DLG2: variants seen among roughly 807,000 people sequenced by gnomAD.
DLG2 encodes the protein discs large MAGUK scaffold protein 2.
A neutral mutation model predicts 132.5 loss-of-function variants in DLG2; 45 were observed. That is an observed-to-expected ratio of 0.34 (90% CI 0.27 to 0.44). The LOEUF (loss-of-function observed/expected upper bound fraction) is 0.44. Ranked by LOEUF, DLG2 falls within the 20% of genes least tolerant of loss-of-function variation. The pLI, the probability that DLG2 is intolerant of heterozygous loss-of-function variation, is 1.00. For synonymous variants in DLG2, 424 were observed against 419.6 expected (o/e 1.01, Z -0.13); for missense variants, 1,045 against 1,196.9 (o/e 0.87, Z 1.87).
intron 19 of DLG2, among the ~76,000 whole-genome samples, chr11:83,583,190 G>A (rs2097014022): frequency 6.6e-6 from 1 of 152,102 alleles, no homozygotes; most frequent in Non-Finnish European, 1.5e-5. Context: ...GCCTTTATTT[G>A]GCAAAAGACA....
chr11:85,201,783 T>C (rs2081485152), intron 4 of DLG2, among the ~76,000 whole-genome samples: 1 of 152,188 alleles, frequency 6.6e-6, no homozygotes, highest in African/African-American at 2.4e-5. Context: ...GTGATGGAGA[T>C]GTGTGATCTC....
At chr11:83,683,449 GT>G (rs934723800) in intron 18 of DLG2, among the ~76,000 whole-genome samples, 31 of 152,264 alleles carry the variant, frequency 2.0e-4, no homozygotes, top group African/African-American at 7.2e-4. Flanking sequence ...GCCCCAAGTA[GT>G]GTTTTACACT....
At chr11:85,455,123 A>G (rs574412920) in intron 3 of DLG2, among the ~76,000 whole-genome samples, 1 of 152,140 alleles carries the variant, frequency 6.6e-6, no homozygotes, top group Non-Finnish European at 1.5e-5. Flanking sequence ...CAATATGGTC[A>G]TTTTTATAAT....
chr11:85,314,644 A>C (rs766882159), intron 3 of DLG2, among the ~76,000 whole-genome samples: 2 of 151,934 alleles, frequency 1.3e-5, no homozygotes, highest in Non-Finnish European at 2.9e-5. Context: ...GAGGAGCAAT[A>C]AGAGAAATAC....
chr11:83,621,330 T>C (rs918320510), intron 19 of DLG2, among the ~76,000 whole-genome samples: 3 of 152,228 alleles, frequency 2.0e-5, no homozygotes, highest in Admixed American at 6.5e-5. Flanking sequence ...CCTCTGAATT[T>C]TGGCAATGAC....
At chr11:84,708,352 G>A (rs1403999780) in intron 6 of DLG2, among the ~76,000 whole-genome samples, 1 of 151,792 alleles carries the variant, frequency 6.6e-6, no homozygotes, top group Non-Finnish European at 1.5e-5. Context: ...TAAATTGCCA[G>A]ATAAAATCAT....
At chr11:83,776,158 G>C (rs145589319) in intron 18 of DLG2, among the ~76,000 whole-genome samples, 2 of 151,902 alleles carry the variant, frequency 1.3e-5, no homozygotes, top group East Asian at 3.9e-4. Flanking sequence ...TTCTGTGAAG[G>C]GTTTGTTAAT....
At chr11:84,122,461 T>G (rs1382469960) in intron 9 of DLG2, among the ~76,000 whole-genome samples, 1 of 152,180 alleles carries the variant, frequency 6.6e-6, no homozygotes. Context: ...GTGATGCCTG[T>G]CTTCACCAAG....
At chr11:84,826,382 A>G (rs2078331542) in intron 6 of DLG2, among the ~76,000 whole-genome samples, 1 of 151,804 alleles carries the variant, frequency 6.6e-6, no homozygotes, top group Non-Finnish European at 1.5e-5. Context: ...TCCAGAATCC[A>G]TTCCACATCA....
At position 85,163,736 on chromosome 11, in the gene DLG2, C is replaced by T. The variant is rs1198747643; in HGVS notation, c.187-9085G>A. 5.3e-5 allele frequency among the ~76,000 whole-genome samples: 8 copies of T among 152,236 alleles called. No homozygotes were observed. The East Asian group carries it at 1.4e-3, about 26-fold the overall frequency. On this transcript the variant is annotated intron_variant, in intron 4 of 27. Coordinates refer to ENST00000376104, the MANE Select transcript of DLG2 (RefSeq NM_001142699.3). ...ATCATTGAAAATATGGAGATAGTGC[C>T]ACCCATTGAATAGGGTCTTCTTCCA...
chr11:84,671,864 A>AT (rs948363331), intron 6 of DLG2, among the ~76,000 whole-genome samples: 1 of 152,006 alleles, frequency 6.6e-6, no homozygotes, highest in African/African-American at 2.4e-5. Context: ...GTGAAACGAG[A>AT]TTTTTTGGTT....
intron 6 of DLG2, among the ~76,000 whole-genome samples, chr11:84,584,798 C>T (rs1483786294): frequency 2.0e-5 from 3 of 148,678 alleles, no homozygotes; most frequent in Non-Finnish European, 4.5e-5. Flanking sequence ...ACGCCATTCT[C>T]CTGCCTCAGC....
In DLG2 at chr11:85,593,732, T is replaced by A. The variant is rs971447264; in HGVS notation, c.40+4925A>T. Among the ~76,000 whole-genome samples the A allele has an allele frequency of 1.6e-4, 24 of 152,186 alleles. 1 individual carries two copies. The highest frequency in any genetic ancestry group is 5.8e-4 in the African/African-American group (24 of 41,454). ...ATAATTAAGACCAAAATAGCCGTGA[T>A]ATATTCAAAGAGATGTTATTTTGAA... On this transcript the variant is annotated intron_variant, in intron 3 of 27. Coordinates refer to ENST00000376104, the MANE Select transcript of DLG2 (RefSeq NM_001142699.3).
At chr11:83,466,923 G>A in intron 25 of DLG2, 106 bp from the exon 26 acceptor site, 1 of 711,242 alleles carries the variant, frequency 1.4e-6, no homozygotes, top group Non-Finnish European at 2.4e-6. Flanking sequence ...AGGGGATGCT[G>A]GATTTCTAAA....
chr11:83,502,369 T>C (rs2094482906), intron 21 of DLG2, among the ~76,000 whole-genome samples: 1 of 152,190 alleles, frequency 6.6e-6, no homozygotes, highest in South Asian at 2.1e-4. Context: ...GTGTGCATTT[T>C]ACTCTGCTCT....
chr11:85,183,242 T>C (rs1398568944), intron 4 of DLG2, among the ~76,000 whole-genome samples: 1 of 151,866 alleles, frequency 6.6e-6, no homozygotes, highest in Admixed American at 6.6e-5. Flanking sequence ...GGAACAGTAG[T>C]CTGCCCTGAT....
intron 16 of DLG2, among the ~76,000 whole-genome samples, chr11:83,843,118 A>G (rs945794552): frequency 6.6e-6 from 1 of 152,286 alleles, no homozygotes; most frequent in Admixed American, 6.5e-5. Context: ...AAAGCTTCCT[A>G]TTATTTGACC....
chr11:83,514,429 G>A (rs1185119852), intron 21 of DLG2, among the ~76,000 whole-genome samples: 2 of 152,150 alleles, frequency 1.3e-5, no homozygotes, highest in African/African-American at 4.8e-5. Flanking sequence ...GAGATTTTGG[G>A]CTGAGACGAT....
chr11:85,339,131 CT>C (rs918297350), intron 3 of DLG2, among the ~76,000 whole-genome samples: 64 of 152,106 alleles, frequency 4.2e-4, no homozygotes, highest in African/African-American at 1.3e-3. Flanking sequence ...TTGAGCTTTG[CT>C]TTTTTTATTT....
Sources: allele counts gnomAD v4.1 joint callset (sites outside exome capture counted in the v4.1 genomes callset), GRCh38; gene constraint gnomAD v4.1.1; transcripts MANE v1.5; gene names NCBI Gene and HGNC (gene_info 2026-07-23, HGNC 2026-07-21).